RBL1: variants seen among roughly 807,000 people sequenced by gnomAD.
RBL1 encodes retinoblastoma-like protein 1.
Under a neutral mutation model 123.0 loss-of-function variants are expected in RBL1, and 82 were observed. That is an observed-to-expected ratio of 0.67 (90% CI 0.56 to 0.80). The LOEUF (loss-of-function observed/expected upper bound fraction) is 0.80. Ranked by LOEUF, RBL1 falls within the 30% of genes least tolerant of loss-of-function variation. RBL1 has a pLI of 0.00. For missense variants in RBL1, 1,171 were observed against 1,299.6 expected (o/e 0.90, Z 1.52); for synonymous variants, 405 against 441.3 (o/e 0.92, Z 1.03).
intron 9 of RBL1, among the ~76,000 whole-genome samples, chr20:37,058,215 A>C (rs983813627): frequency 6.6e-6 from 1 of 151,594 alleles, no homozygotes; most frequent in East Asian, 1.9e-4. Flanking sequence ...TCTCTCCCCA[A>C]ATCTTCATGG....
In RBL1 at chr20:37,095,968, T is replaced by A; in HGVS notation, c.-40A>T. ...CGGGCTGCGCGCCACGGCCCCCGAC[T>A]TCTTTCTCCCTCCCAGGCGCGCTAC... On this transcript the variant is annotated 5_prime_UTR_variant, in exon 1 of 22. The change creates a new upstream start codon in the 5' untranslated region. Transcript: ENST00000373664. 6.9e-7 allele frequency: 1 copy of A among 1,444,812 alleles called. No homozygotes were observed. The highest frequency in any genetic ancestry group is 9.2e-7 in the Non-Finnish European group (1 of 1,086,884). 89.5% of individuals were successfully genotyped at this position (1,444,812 alleles called of 1,614,324 possible).
At chr20:37,063,625 C>G (rs1438951441) in intron 7 of RBL1, among the ~76,000 whole-genome samples, 1 of 151,932 alleles carries the variant, frequency 6.6e-6, no homozygotes, top group Non-Finnish European at 1.5e-5. Flanking sequence ...GATTCTCCTG[C>G]CTCAGTCTTC....
At chr20:37,036,612 A>G (rs2064615470) in intron 14 of RBL1, among the ~76,000 whole-genome samples, 1 of 140,850 alleles carries the variant, frequency 7.1e-6, no homozygotes, top group Non-Finnish European at 1.5e-5. Context: ...TAGTCATGTA[A>G]TCTATTTTCT....
At chr20:37,073,715 A>AAAAAAAAAAAAAAAAAAT (rs2065318106) in intron 2 of RBL1, among the ~76,000 whole-genome samples, 1 of 150,082 alleles carries the variant, frequency 6.7e-6, no homozygotes, top group Non-Finnish European at 1.5e-5. Context: ...GAAAAAAAAA[A>AAAAAAAAAAAAAAAAAAT]AAAAAAAGAA....
Position 37,035,499 on chromosome 20 carries a change from G to A in RBL1, c.1913C>T (p.Pro638Leu). 4 of 1,563,968 alleles carry A rather than the reference G, an allele frequency of 2.6e-6. No individual in the cohort carries two copies. The highest frequency in any genetic ancestry group is 1.7e-4 in the Middle Eastern group (1 of 5,846). Residue 638 changes from proline to leucine, a missense_variant, in exon 15 of 22, where the codon CCA becomes CTA. By Grantham distance (98) the Pro-to-Leu change is moderately conservative. Coordinates refer to ENST00000373664, the MANE Select transcript of RBL1 (RefSeq NM_002895.5). Reference protein sequence around the residue: ...DSGSLRRDMQPLSPISVHERY... With the variant: ...DSGSLRRDMQLLSPISVHERY... Reference sequence around the variant, plus strand: ...TTCATGGACAGAAATTGGAGACAATGGTTGCATATCTAAAAAAAAATAATA... The same window carrying A: ...TTCATGGACAGAAATTGGAGACAATAGTTGCATATCTAAAAAAAAATAATA...
intron 1 of RBL1, 76 bp downstream of exon 1, chr20:37,095,697 T>G (rs1250804434): frequency 7.3e-7 from 1 of 1,374,044 alleles, no homozygotes; most frequent in Non-Finnish European, 9.7e-7. Context: ...CACCACCCCA[T>G]AGGCCGAGGA....
chr20:37,079,356 A>G (rs1196321024), intron 2 of RBL1, among the ~76,000 whole-genome samples: 2 of 151,948 alleles, frequency 1.3e-5, no homozygotes, highest in East Asian at 1.9e-4. Context: ...TTGGGTCTTT[A>G]TATCGGCCAT....
intron 14 of RBL1, among the ~76,000 whole-genome samples, chr20:37,035,881 C>A (rs1224615202): frequency 6.6e-6 from 1 of 152,130 alleles, no homozygotes; most frequent in African/African-American, 2.4e-5. Context: ...GAAGCAAAAG[C>A]AAAAATCAGG....
intron 11 of RBL1, among the ~76,000 whole-genome samples, chr20:37,053,100 T>TC (rs1339747413): frequency 6.6e-6 from 1 of 152,186 alleles, no homozygotes; most frequent in Non-Finnish European, 1.5e-5. Flanking sequence ...CATGGACACT[T>TC]CAACATCCTC....
chr20:37,062,907 G>A (rs1176629932), intron 7 of RBL1, among the ~76,000 whole-genome samples: 2 of 152,100 alleles, frequency 1.3e-5, no homozygotes, highest in Non-Finnish European at 2.9e-5. Context: ...GCATGAACCT[G>A]GGAGGCGGAG....
intron 11 of RBL1, among the ~76,000 whole-genome samples, chr20:37,047,971 C>T (rs1467407096): frequency 1.3e-5 from 2 of 152,064 alleles, no homozygotes; most frequent in African/African-American, 2.4e-5. Flanking sequence ...CACAGCGAGA[C>T]TCAGTCTCAG....
chr20:37,070,060 G>A (rs940986145), intron 2 of RBL1, among the ~76,000 whole-genome samples: 4 of 152,228 alleles, frequency 2.6e-5, no homozygotes, highest in East Asian at 1.9e-4. Flanking sequence ...TTGAGAAATC[G>A]AATGGTTGCC....
chr20:37,026,743 C>T (rs1445786450), intron 16 of RBL1, among the ~76,000 whole-genome samples: 15 of 150,318 alleles, frequency 1.0e-4, no homozygotes, highest in African/African-American at 3.7e-4. Context: ...CAGTGGCTCA[C>T]ACCTGTAATA....
intron 18 of RBL1, 55 bp from the exon 19 acceptor site, chr20:37,018,424 C>A: frequency 1.3e-6 from 2 of 1,533,944 alleles, no homozygotes; most frequent in Non-Finnish European, 8.7e-7. Flanking sequence ...ACAGGTTAAA[C>A]AAAATCAAAG....
intron 19 of RBL1, among the ~76,000 whole-genome samples, chr20:37,012,257 C>G (rs1249671967): frequency 6.6e-6 from 1 of 152,192 alleles, no homozygotes; most frequent in African/African-American, 2.4e-5. Flanking sequence ...CCCAAAGTGC[C>G]GAGATTGCAG....
intron 19 of RBL1, among the ~76,000 whole-genome samples, chr20:37,009,047 C>T (rs892717361): frequency 1.3e-4 from 20 of 149,798 alleles, no homozygotes; most frequent in Admixed American, 6.0e-4. Context: ...TTTTTTGAGA[C>T]GGAGTCTTGC....
intron 2 of RBL1, among the ~76,000 whole-genome samples, chr20:37,080,902 T>C (rs1429055488): frequency 6.6e-6 from 1 of 152,204 alleles, no homozygotes; most frequent in Non-Finnish European, 1.5e-5. Context: ...ATTAGACTTT[T>C]AAAAGCCTTG....
intron 16 of RBL1, among the ~76,000 whole-genome samples, chr20:37,029,477 C>G (rs1051455873): frequency 1.3e-5 from 2 of 152,150 alleles, no homozygotes; most frequent in Non-Finnish European, 2.9e-5. Context: ...AAAAAACCCA[C>G]AGTTAACATC....
At chr20:36,999,532 C>G (rs560477629) in intron 21 of RBL1, among the ~76,000 whole-genome samples, 566 of 152,072 alleles carry the variant, frequency 3.7e-3, no homozygotes, top group Middle Eastern at 0.01. Context: ...CGGTCTCCCC[C>G]TGATGCCGAG....
Sources: gnomAD v4.1 joint callset for allele counts (sites outside exome capture counted in the v4.1 genomes callset) on GRCh38, gnomAD v4.1.1 for gene constraint, MANE v1.5 for transcripts, NCBI Gene and HGNC (gene_info 2026-07-23, HGNC 2026-07-21) for gene names.